Variants in ATP2A2 observed in about 807,000 individuals in gnomAD.
The protein encoded by ATP2A2 is sarcoplasmic/endoplasmic reticulum calcium ATPase 2.
ATP2A2 carries 14 observed loss-of-function variants against 109.3 expected under a neutral mutation model. The ratio of observed to expected loss-of-function variants is 0.13; its 90% CI spans 0.08 to 0.20. ATP2A2 has a LOEUF of 0.20. Ranked by LOEUF, ATP2A2 falls within the 10% of genes least tolerant of loss-of-function variation. The pLI is 1.00. For synonymous variants in ATP2A2, 506 were observed against 490.9 expected (o/e 1.03, Z -0.41); for missense variants, 657 against 1,321.6 (o/e 0.50, Z 7.80).
chr12:110,293,852 GTGTGTGTGTGTGTA>G (rs1356621862), intron 4 of ATP2A2, among the ~76,000 whole-genome samples: 3 of 122,868 alleles, frequency 2.4e-5, no homozygotes, highest in African/African-American at 3.5e-5. Context: ...GTGTGTGTGT[GTGTGTGTGTGTGTA>G]TATATTTTTT....
chr12:110,332,335 C>G, intron 8 of ATP2A2: 1 of 464,772 alleles, frequency 2.2e-6, no homozygotes, highest in East Asian at 4.1e-5. Flanking sequence ...GCTGCTCATT[C>G]ATTCAGCACC....
intron 5 of ATP2A2, among the ~76,000 whole-genome samples, chr12:110,307,564 C>T (rs1013695433): frequency 2.6e-5 from 4 of 152,106 alleles, no homozygotes; most frequent in Non-Finnish European, 5.9e-5. Context: ...TGTGAGATGA[C>T]ATCTCATTGT....
intron 11 of ATP2A2, among the ~76,000 whole-genome samples, chr12:110,335,037 T>C (rs1156701369): frequency 6.6e-6 from 1 of 152,140 alleles, no homozygotes. Flanking sequence ...CTCTGAGCCT[T>C]TTTCTGCCTG....
chr12:110,349,210 T>G lies in ATP2A2; in HGVS notation c.*2740T>G. ...AACACTTCAGCATCTCCTCCTCAGG[T>G]CAACCCATAAAGACCAGGTCCAGCA... On this transcript the variant is annotated 3_prime_UTR_variant, in exon 20 of 20. Transcript: ENST00000539276. The G allele has an allele frequency of 1.0e-6, 1 of 985,474 alleles. No homozygotes were observed. The highest frequency in any genetic ancestry group is 1.2e-6 in the Non-Finnish European group (1 of 830,006). 61.0% of individuals were successfully genotyped at this position (985,474 alleles called of 1,614,324 possible). A position where few individuals can be genotyped will look rare whatever the true frequency, so the allele number is the denominator to read the frequency against.
In ATP2A2 at chr12:110,342,158, G is replaced by C. The variant is rs1290453726; in HGVS notation, c.2098-70G>C. The C allele has an allele frequency of 1.3e-6, 2 of 1,546,478 alleles. No individual in the cohort carries two copies. The highest frequency in any genetic ancestry group is 4.5e-5 in the East Asian group (2 of 44,580). ...TCATTTTCCTCCTGCTTCCCATTCA[G>C]TGGGCTTTTGCCTAGGGGTATGAAT... On this transcript the variant is annotated intron_variant, in intron 14 of 19. Transcript: ENST00000539276. This position sits in a 1 kb window ranked among gnomAD's most constrained non-coding sequence, Gnocchi z 4.6.
In ATP2A2 at chr12:110,342,947, C is replaced by T. The variant is rs1185686092; in HGVS notation, c.2319-285C>T. ...AGAAATGAGGTTTCACCATGTTGCC[C>T]AGGCTGGTCTCTTAACTGCTGAGCT... On this transcript the variant is annotated intron_variant, in intron 15 of 19. Coordinates refer to ENST00000539276, the MANE Select transcript of ATP2A2 (RefSeq NM_170665.4). This position sits in a 1 kb window ranked among gnomAD's most constrained non-coding sequence, Gnocchi z 4.6. Among the ~76,000 whole-genome samples the T allele has an allele frequency of 6.6e-6, 1 of 152,074 alleles. No homozygotes were observed. Among genetic ancestry groups the T allele is most frequent in the Non-Finnish European group, 1.5e-5 (1 of 68,028 alleles).
intron 10 of ATP2A2, among the ~76,000 whole-genome samples, chr12:110,333,803 A>G (rs969555463): frequency 1.3e-5 from 2 of 152,156 alleles, no homozygotes; most frequent in East Asian, 3.8e-4. Context: ...GAAATGAAAA[A>G]CCTACTTATT....
At chr12:110,292,741 C>T (rs566664483) in intron 4 of ATP2A2, among the ~76,000 whole-genome samples, 2 of 152,100 alleles carry the variant, frequency 1.3e-5, no homozygotes, top group Admixed American at 6.5e-5. Context: ...GAGCCATGAT[C>T]GTAACACTGC....
At chr12:110,300,036 G>A (rs994772614) in intron 5 of ATP2A2, among the ~76,000 whole-genome samples, 1 of 150,980 alleles carries the variant, frequency 6.6e-6, no homozygotes, top group African/African-American at 2.4e-5. Flanking sequence ...GATTACAGGA[G>A]TGAGCCACCA....
chr12:110,333,108 G>A lies in ATP2A2; in HGVS notation c.1185-73G>A, dbSNP rs953106852. 5.9e-5 allele frequency: 72 copies of A among 1,211,246 alleles called. No individual in the cohort carries two copies. In the African/African-American group the frequency reaches 9.6e-4, roughly 16 times the overall value. 75.0% of individuals were successfully genotyped at this position (1,211,246 alleles called of 1,614,324 possible). A position where few individuals can be genotyped will look rare whatever the true frequency, so the allele number is the denominator to read the frequency against. Reference sequence around the variant, plus strand: ...TCTGTTTTCATTATTAAACAATTGCGGGGGGGCAGGGGGCGGGAGGAATCA... The same window carrying A: ...TCTGTTTTCATTATTAAACAATTGCAGGGGGGCAGGGGGCGGGAGGAATCA... On this transcript the variant is annotated intron_variant, in intron 9 of 19. Transcript: ENST00000539276.
chr12:110,317,271 G>A (rs923553175), intron 5 of ATP2A2, among the ~76,000 whole-genome samples: 9 of 152,154 alleles, frequency 5.9e-5, no homozygotes, highest in African/African-American at 1.9e-4. Flanking sequence ...CATTTAGAAG[G>A]TAATTTCTGG....
In ATP2A2 at chr12:110,348,019, C is replaced by T. The variant is rs1880044921; in HGVS notation, c.*1549C>T. Reference sequence around the variant, plus strand: ...ATAGACCTCCACAGGCTGCCTAGGACAAGATGACCAGGAGGGCCCAAGCCA... The same window carrying T: ...ATAGACCTCCACAGGCTGCCTAGGATAAGATGACCAGGAGGGCCCAAGCCA... On this transcript the variant is annotated 3_prime_UTR_variant, in exon 20 of 20. Coordinates refer to ENST00000539276, the MANE Select transcript of ATP2A2 (RefSeq NM_170665.4). 1.0e-6 allele frequency: 1 copy of T among 987,162 alleles called. No homozygotes were observed. The highest frequency in any genetic ancestry group is 4.7e-5 in the South Asian group (1 of 21,404). 61.2% of individuals were successfully genotyped at this position (987,162 alleles called of 1,614,324 possible).
chr12:110,345,175 G>A, intron 17 of ATP2A2, 74 bp from the exon 18 acceptor site: 1 of 1,609,662 alleles, frequency 6.2e-7, no homozygotes, highest in Admixed American at 1.7e-5. Flanking sequence ...TCTGTGCTAG[G>A]CTTGGTATGG....
intron 11 of ATP2A2, among the ~76,000 whole-genome samples, chr12:110,338,752 T>C (rs1170504249): frequency 6.6e-6 from 1 of 152,246 alleles, no homozygotes; most frequent in Non-Finnish European, 1.5e-5. Flanking sequence ...TCCGTTGTCT[T>C]CTGTTTTACT....
intron 5 of ATP2A2, among the ~76,000 whole-genome samples, chr12:110,301,602 C>T (rs1874653332): frequency 6.6e-6 from 1 of 152,216 alleles, no homozygotes; most frequent in African/African-American, 2.4e-5. Context: ...TCATCATCTC[C>T]TAACTAGGCT....
chr12:110,296,255 A>C (rs1873949897), intron 4 of ATP2A2: 1 of 323,518 alleles, frequency 3.1e-6, no homozygotes, highest in Non-Finnish European at 6.0e-6. Context: ...CAGACTATTA[A>C]GCTGTACTGC....
In ATP2A2 at chr12:110,311,615, A is replaced by C. The variant is rs922725081; in HGVS notation, c.464-11377A>C. Among the ~76,000 whole-genome samples the C allele has an allele frequency of 5.3e-5, 8 of 150,396 alleles. No individual in the cohort carries two copies. In the South Asian group the frequency reaches 6.3e-4, roughly 12 times the overall value. On this transcript the variant is annotated intron_variant, in intron 5 of 19. Coordinates refer to ENST00000539276, the MANE Select transcript of ATP2A2 (RefSeq NM_170665.4). ...CATCTCAAAAAAAAAAAAAAAAAAA[A>C]AAAAAAACGCTGGGATTATAAGTGT...
chr12:110,345,973 C>T (rs769799881), intron 18 of ATP2A2, 28 bp from the exon 19 acceptor site: 8 of 1,608,574 alleles, frequency 5.0e-6, no homozygotes, highest in Non-Finnish European at 6.8e-6. Flanking sequence ...CTTGGGGGTG[C>T]GTTTCCCCAC....
In ATP2A2 at chr12:110,320,494, G is replaced by A. The variant is rs544364217; in HGVS notation, c.464-2498G>A. Reference sequence around the variant, plus strand: ...AACTTGTCCTCTTTTTGAAATGTTCGAGGGCATGTAGGATCAGGTTAATCA... The same window carrying A: ...AACTTGTCCTCTTTTTGAAATGTTCAAGGGCATGTAGGATCAGGTTAATCA... On this transcript the variant is annotated intron_variant, in intron 5 of 19. Coordinates refer to ENST00000539276, the MANE Select transcript of ATP2A2 (RefSeq NM_170665.4). Among the ~76,000 whole-genome samples, 7 of 152,220 alleles carry A rather than the reference G, an allele frequency of 4.6e-5. No individual in the cohort carries two copies. In the East Asian group the frequency reaches 5.8e-4, roughly 13 times the overall value.
Sources: allele counts gnomAD v4.1 joint callset (sites outside exome capture counted in the v4.1 genomes callset), GRCh38; gene constraint gnomAD v4.1.1; non-coding constraint Gnocchi (gnomAD v3.1); transcripts MANE v1.5; gene names NCBI Gene and HGNC (gene_info 2026-07-23, HGNC 2026-07-21).